Variants in ARHGAP21 observed in about 807,000 individuals in gnomAD.
ARHGAP21 encodes the protein Rho GTPase activating protein 21, also known as rho GTPase-activating protein 21.
In ARHGAP21, 38 loss-of-function variants were observed where a neutral mutation model predicts 164.6. The ratio of observed to expected loss-of-function variants is 0.23; its 90% CI spans 0.18 to 0.30. The LOEUF is 0.30. Among genes scored for constraint, ARHGAP21 ranks in the 10% least tolerant of loss-of-function variants. The pLI is 1.00. For synonymous variants in ARHGAP21, 766 were observed against 857.9 expected, an observed-to-expected ratio of 0.89 and a Z score of 1.87; for missense variants, 1,822 against 2,370.7, an observed-to-expected ratio of 0.77 and a Z score of 4.81.
In ARHGAP21 at chr10:24,587,595, T is replaced by C. The variant is rs186419744; in HGVS notation, c.4183-1489A>G. Among the ~76,000 whole-genome samples the C allele has an allele frequency of 1.3e-3, 201 of 152,330 alleles. 1 individual carries two copies. The highest frequency in any genetic ancestry group is 4.2e-3 in the African/African-American group (175 of 41,582). ...TCATAATTATCCAGCACATTTCTAA[T>C]GGTTATTTACATTTCCCCACATTGT... On this transcript the variant is annotated intron_variant, in intron 25 of 25. Transcript: ENST00000396432.
intron 7 of ARHGAP21, 110 bp from the exon 8 acceptor site, chr10:24,622,872 T>C (rs1324393898): frequency 9.2e-7 from 1 of 1,087,002 alleles, no homozygotes; most frequent in Non-Finnish European, 1.3e-6. Flanking sequence ...CTATACTTGT[T>C]TCTCTGGAAG....
chr10:24,676,079 C>T (rs992216602), intron 2 of ARHGAP21, among the ~76,000 whole-genome samples: 2 of 152,068 alleles, frequency 1.3e-5, no homozygotes, highest in Admixed American at 6.6e-5. Context: ...ACCTGGCAGG[C>T]GGAGGCTGCA....
chr10:24,601,157 A>G (rs2076798190), intron 13 of ARHGAP21, among the ~76,000 whole-genome samples: 2 of 152,326 alleles, frequency 1.3e-5, no homozygotes, highest in South Asian at 2.1e-4. Flanking sequence ...TGAAATCCCA[A>G]CTTTAGTTGG....
At chr10:24,718,149 T>C (rs1362682005) in intron 2 of ARHGAP21, among the ~76,000 whole-genome samples, 1 of 152,098 alleles carries the variant, frequency 6.6e-6, no homozygotes, top group East Asian at 1.9e-4. Context: ...AGACTTTGCA[T>C]ATGAGGAATG....
chr10:24,653,784 T>C (rs1593175540), intron 4 of ARHGAP21, among the ~76,000 whole-genome samples: 1 of 152,176 alleles, frequency 6.6e-6, no homozygotes, highest in Non-Finnish European at 1.5e-5. Context: ...AGTACTCTTT[T>C]GTGCTTGATT....
chr10:24,708,138 A>G (rs1480895478), intron 2 of ARHGAP21, among the ~76,000 whole-genome samples: 1 of 152,196 alleles, frequency 6.6e-6, no homozygotes, highest in East Asian at 1.9e-4. Context: ...ATAAAGATCA[A>G]ATTCAAAGTC....
chr10:24,625,841 G>C (rs1835089378), intron 7 of ARHGAP21, among the ~76,000 whole-genome samples: 1 of 152,086 alleles, frequency 6.6e-6, no homozygotes, highest in Admixed American at 6.6e-5. Context: ...CAGCAAAAAA[G>C]AACACTGGAC....
At chr10:24,586,149 A>C in intron 25 of ARHGAP21, 43 bp from the exon 26 acceptor site, 1 of 1,511,514 alleles carries the variant, frequency 6.6e-7, no homozygotes, top group Non-Finnish European at 8.8e-7. Context: ...ATAAGAATGC[A>C]GCTGAGTTCA....
intron 2 of ARHGAP21, among the ~76,000 whole-genome samples, chr10:24,681,925 C>T (rs935213150): frequency 3.9e-5 from 6 of 152,066 alleles, no homozygotes; most frequent in African/African-American, 1.4e-4. Flanking sequence ...TCTGACTAGA[C>T]TGCCCGGGTC....
chr10:24,704,749 G>T (rs916732468), intron 2 of ARHGAP21, among the ~76,000 whole-genome samples: 1 of 152,178 alleles, frequency 6.6e-6, no homozygotes, highest in African/African-American at 2.4e-5. Flanking sequence ...GATTACAGGT[G>T]TGAGCCACCG....
At chr10:24,675,178 T>G (rs999532766) in intron 2 of ARHGAP21, among the ~76,000 whole-genome samples, 2 of 152,178 alleles carry the variant, frequency 1.3e-5, no homozygotes, top group Non-Finnish European at 2.9e-5. Flanking sequence ...AATATTTCAG[T>G]AACAGATGAA....
chr10:24,705,379 C>T (rs528593141), intron 2 of ARHGAP21, among the ~76,000 whole-genome samples: 1 of 152,158 alleles, frequency 6.6e-6, no homozygotes, highest in Middle Eastern at 3.2e-3. Flanking sequence ...ATCAATCTTA[C>T]GGTGAAACAA....
At chr10:24,592,233 A>G (rs1315759415) in intron 21 of ARHGAP21, among the ~76,000 whole-genome samples, 2 of 140,652 alleles carry the variant, frequency 1.4e-5, no homozygotes, top group African/African-American at 5.4e-5. Flanking sequence ...GCATGATCAC[A>G]GCTTACTGCA....
chr10:24,711,871 G>A (rs565815012), intron 2 of ARHGAP21, among the ~76,000 whole-genome samples: 47 of 152,120 alleles, frequency 3.1e-4, no homozygotes, highest in African/African-American at 1.0e-3. Flanking sequence ...CCCAGAACCT[G>A]TGGGCATGAC....
At chr10:24,664,608 C>T (rs574741202) in intron 4 of ARHGAP21, among the ~76,000 whole-genome samples, 1 of 151,024 alleles carries the variant, frequency 6.6e-6, no homozygotes, top group South Asian at 2.1e-4. Context: ...GATCCTAAAC[C>T]GTGAATTTAT....
At chr10:24,596,082 C>T in intron 17 of ARHGAP21, 39 bp from the exon 18 acceptor site, 1 of 1,515,268 alleles carries the variant, frequency 6.6e-7, no homozygotes, top group Non-Finnish European at 8.9e-7. Flanking sequence ...TAATGCAGCA[C>T]AAATGTTTAG....
At chr10:24,608,447 TC>T (rs1218759416) in intron 9 of ARHGAP21, among the ~76,000 whole-genome samples, 1 of 152,296 alleles carries the variant, frequency 6.6e-6, no homozygotes, top group East Asian at 1.9e-4. Context: ...AAATTCTTAC[TC>T]TTATAAAAAC....
intron 21 of ARHGAP21, 120 bp downstream of exon 21, chr10:24,594,830 C>A: frequency 1.4e-6 from 1 of 717,242 alleles, no homozygotes. Flanking sequence ...TTAAGAAGGA[C>A]TTACCCAGTT....
chr10:24,636,766 T>C (rs896941524), intron 4 of ARHGAP21, among the ~76,000 whole-genome samples: 1 of 152,344 alleles, frequency 6.6e-6, no homozygotes, highest in East Asian at 1.9e-4. Context: ...TAGTAGAAAT[T>C]GCTTGTTTTA....
Sources: gnomAD v4.1 joint callset for allele counts (sites outside exome capture counted in the v4.1 genomes callset) on GRCh38, gnomAD v4.1.1 for gene constraint, MANE v1.5 for transcripts, NCBI Gene and HGNC (gene_info 2026-07-23, HGNC 2026-07-21) for gene names.